Variants in TMEM219 observed in about 807,000 individuals in gnomAD.
TMEM219 encodes the protein transmembrane protein 219, also known as insulin-like growth factor-binding protein 3 receptor.
TMEM219 carries 18 observed loss-of-function variants against 17.9 expected under a neutral mutation model. The observed-to-expected ratio is 1.01, with a 90% CI of 0.70 to 1.49. The LOEUF (loss-of-function observed/expected upper bound fraction) is 1.49. TMEM219 is among the 40% of genes most tolerant of loss of function. TMEM219 has a pLI of 0.00. For missense variants in TMEM219, 288 were observed against 292.4 expected (o/e 0.99, Z 0.11); for synonymous variants, 113 against 124.0 (o/e 0.91, Z 0.59).
Position 29,971,442 on chromosome 16 carries a change from T to G in TMEM219, c.620T>G (p.Val207Gly), listed in dbSNP as rs1473154764. 6.2e-7 allele frequency: 1 copy of G among 1,614,016 alleles called. No homozygotes were observed. The highest frequency in any genetic ancestry group is 8.5e-7 in the Non-Finnish European group (1 of 1,180,022). Residue 207 changes from valine (V) to glycine (G), a missense_variant, in exon 5 of 6, where the codon GTC becomes GGC. Physicochemically the swap from Val to Gly is moderately radical, Grantham distance 109 (BLOSUM62 -3). Transcript: ENST00000279396. ...GCTCTGTGTGGCTCCAGGCTGCTGG[T>G]CTTGGGCTCCTTCCTGCTTCTCTTC... ...ELALCGSRLL[V>G]LGSFLLLFCG...
At chr16:29,971,115 G>A (rs1324653954) in intron 4 of TMEM219, among the ~76,000 whole-genome samples, 1 of 149,736 alleles carries the variant, frequency 6.7e-6, no homozygotes, top group East Asian at 2.0e-4. Context: ...GCGTGGTGGC[G>A]GGCACCTGTA....
At chr16:29,966,762 G>C (rs1252466975) in intron 3 of TMEM219, among the ~76,000 whole-genome samples, 1 of 152,140 alleles carries the variant, frequency 6.6e-6, no homozygotes, top group Admixed American at 6.6e-5. Context: ...GTTGCAGTGA[G>C]CTGAGATTGC....
intron 3 of TMEM219, among the ~76,000 whole-genome samples, chr16:29,967,667 C>T (rs1429251859): frequency 1.3e-5 from 2 of 152,176 alleles, no homozygotes; most frequent in Admixed American, 6.5e-5. Flanking sequence ...GTGGCTCACG[C>T]CTGTAATCCC....
At position 29,971,738 on chromosome 16, in the gene TMEM219, A is replaced by G. The variant is rs2150868146; in HGVS notation, c.*33+160A>G. ...AGCTCTCCCTTAGGGACTGGGAACA[A>G]TTTGACACCGTCAGCATTCAATATT... On this transcript the variant is annotated intron_variant, in intron 5 of 5. Coordinates refer to ENST00000279396, the MANE Select transcript of TMEM219 (RefSeq NM_001083613.2). 3 of 544,584 alleles carry G rather than the reference A, an allele frequency of 5.5e-6. No individual in the cohort carries two copies. In the East Asian group the frequency reaches 9.4e-5, roughly 17 times the overall value. 33.7% of individuals were successfully genotyped at this position (544,584 alleles called of 1,614,324 possible).
chr16:29,967,475 G>T (rs1178363703), intron 3 of TMEM219, among the ~76,000 whole-genome samples: 1 of 152,154 alleles, frequency 6.6e-6, no homozygotes, highest in Admixed American at 6.6e-5. Context: ...AGCCAGGTAG[G>T]TGGCACACAC....
chr16:29,964,660 C>A (rs1046925821), intron 3 of TMEM219, among the ~76,000 whole-genome samples: 1 of 151,896 alleles, frequency 6.6e-6, no homozygotes, highest in African/African-American at 2.4e-5. Context: ...CTGTCCCGCC[C>A]CGCGCCCCCC....
At position 29,971,717 on chromosome 16, in the gene TMEM219, C is replaced by G. The variant is rs1382818904; in HGVS notation, c.*33+139C>G. On this transcript the variant is annotated intron_variant, in intron 5 of 5. Transcript: ENST00000279396. Reference sequence around the variant, plus strand: ...CCCGAGAACCTCTTCAACCACAGCTCTCCCTTAGGGACTGGGAACAATTTG... The same window carrying G: ...CCCGAGAACCTCTTCAACCACAGCTGTCCCTTAGGGACTGGGAACAATTTG... 3 of 751,548 alleles carry G rather than the reference C, an allele frequency of 4.0e-6. No individual in the cohort carries two copies. The African/African-American group carries it at 5.3e-5, about 13-fold the overall frequency. 46.6% of individuals were successfully genotyped at this position (751,548 alleles called of 1,614,324 possible). A position where few individuals can be genotyped will look rare whatever the true frequency, so the allele number is the denominator to read the frequency against.
At chr16:29,971,621 TG>T in intron 5 of TMEM219, 43 bp downstream of exon 5, 1 of 391,500 alleles carries the variant, frequency 2.6e-6, no homozygotes, top group Non-Finnish European at 4.0e-6. Flanking sequence ...GGGAATGGGG[TG>T]GGGGTGGGGG....
At chr16:29,971,694 C>G (rs34049928) in intron 5 of TMEM219, 116 bp downstream of exon 5, 34,890 of 1,018,616 alleles carry the variant, frequency 0.034, 766 homozygotes, top group South Asian at 0.058. Context: ...TCTGAGTCCC[C>G]GAGAACCTCT....
At position 29,971,505 on chromosome 16, in the gene TMEM219, A is replaced by C. The variant is rs1431878280; in HGVS notation, c.683A>C (p.His228Pro). The C allele has an allele frequency of 6.2e-7, 1 of 1,609,370 alleles. No individual in the cohort carries two copies. The highest frequency in any genetic ancestry group is 1.1e-5 in the South Asian group (1 of 90,968). ...TGCTGTGTCACTGCTATGTGCTTCC[A>C]CCCGCGCCGGGAGTCCCACTGGTCT... ...LLCCVTAMCF[H>P]PRRESHWSRT... The change falls in exon 5 of 6, where the codon CAC becomes CCC. Residue 228 changes from histidine to proline, a missense_variant. Transcript: ENST00000279396.
Position 29,971,482 on chromosome 16 carries a change from C to T in TMEM219, c.660C>T (p.Cys220=). ...SFLLLFCGLL[C]CVTAMCFHPR... ...TGCTTCTCTTCTGTGGCCTTCTCTG[C>T]TGTGTCACTGCTATGTGCTTCCACC... The change falls in exon 5 of 6, where the codon TGC becomes TGT. Residue 220 remains cysteine, a synonymous_variant. Transcript: ENST00000279396. The T allele has an allele frequency of 6.2e-7, 1 of 1,614,146 alleles. No individual in the cohort carries two copies. The highest frequency in any genetic ancestry group is 1.3e-5 in the African/African-American group (1 of 75,034).
chr16:29,972,354 C>T (rs1046733718), intron 5 of TMEM219, among the ~76,000 whole-genome samples: 1 of 152,208 alleles, frequency 6.6e-6, no homozygotes, highest in Non-Finnish European at 1.5e-5. Flanking sequence ...TCCATTTAGT[C>T]ATCGTTACCT....
At chr16:29,964,422 G>T (rs1303577740) in intron 3 of TMEM219, among the ~76,000 whole-genome samples, 1 of 152,082 alleles carries the variant, frequency 6.6e-6, no homozygotes, top group Non-Finnish European at 1.5e-5. Flanking sequence ...GGTGGAGGTT[G>T]CAGTGAGCCA....
intron 4 of TMEM219, 111 bp downstream of exon 4, chr16:29,968,365 C>G: frequency 1.2e-6 from 1 of 858,410 alleles, no homozygotes; most frequent in Non-Finnish European, 1.8e-6. Context: ...GGTTTTATAA[C>G]CCTGCCTTGG....
At chr16:29,964,918 G>A (rs1405967432) in intron 3 of TMEM219, among the ~76,000 whole-genome samples, 1 of 152,182 alleles carries the variant, frequency 6.6e-6, no homozygotes, top group South Asian at 2.1e-4. Flanking sequence ...CTTGGAGGTA[G>A]GATGAAATGG....
At chr16:29,971,245 C>CAA (rs372675511) in intron 4 of TMEM219, among the ~76,000 whole-genome samples, 163 bp from the exon 5 acceptor site, 1 of 127,364 alleles carries the variant, frequency 7.9e-6, no homozygotes, top group Non-Finnish European at 1.7e-5. Context: ...GACTCCATCT[C>CAA]AAAAAAAAAA....
At chr16:29,972,545 A>G (rs747840673) in intron 5 of TMEM219, among the ~76,000 whole-genome samples, 8 of 152,244 alleles carry the variant, frequency 5.3e-5, no homozygotes, top group East Asian at 1.9e-4. Flanking sequence ...GCCATGTGTT[A>G]TGCATCCAGC....
chr16:29,967,857 G>T (rs1284286311), intron 3 of TMEM219, among the ~76,000 whole-genome samples, 168 bp from the exon 4 acceptor site: 1 of 151,968 alleles, frequency 6.6e-6, no homozygotes, highest in Non-Finnish European at 1.5e-5. Flanking sequence ...AACCCGGGAG[G>T]CGGAGCTTGC....
Position 29,968,053 on chromosome 16 carries a change from C to T in TMEM219, c.384C>T (p.Ile128=). Residue 128 remains isoleucine, a synonymous_variant, in exon 4 of 6, where the codon ATC becomes ATT. Coordinates refer to ENST00000279396, the MANE Select transcript of TMEM219 (RefSeq NM_001083613.2). ...KGSSAGQLVL[I]TARVTTERTA... ...CTTCTGCAGGACAACTGGTCCTTAT[C>T]ACAGCCAGGGTGACCACAGAAAGGA... 2 of 1,614,146 alleles carry T rather than the reference C, an allele frequency of 1.2e-6. No individual in the cohort carries two copies. Among genetic ancestry groups the T allele is most frequent in the Non-Finnish European group, 1.7e-6 (2 of 1,179,998 alleles).
Sources: allele counts gnomAD v4.1 joint callset (sites outside exome capture counted in the v4.1 genomes callset), GRCh38; gene constraint gnomAD v4.1.1; transcripts MANE v1.5; gene names NCBI Gene and HGNC (gene_info 2026-07-23, HGNC 2026-07-21).